Variants in DSE observed in about 807,000 individuals in gnomAD.
The protein encoded by DSE is dermatan sulfate epimerase, also known as dermatan-sulfate epimerase.
DSE carries 36 observed loss-of-function variants against 84.4 expected under a neutral mutation model. That is an observed-to-expected ratio of 0.43 (90% CI 0.33 to 0.56). DSE has a LOEUF of 0.56. DSE is among the 20% of genes least tolerant of loss of function. The probability of loss-of-function intolerance (pLI) is 0.06; values close to 1 mark genes in which losing one functional copy is unlikely to be tolerated. For missense variants in DSE, 862 were observed against 1,169.6 expected (o/e 0.74, Z 3.84); for synonymous variants, 410 against 430.1 (o/e 0.95, Z 0.58).
intron 1 of DSE, chr6:116,255,782 A>G (rs145643251): frequency 1.0e-4 from 16 of 152,384 alleles, no homozygotes; most frequent in African/African-American, 3.1e-4. Flanking sequence ...AGAAGCAGGG[A>G]ATACTGAATG....
intron 1 of DSE, among the ~76,000 whole-genome samples, chr6:116,394,799 AAG>A (rs1301486805): frequency 6.6e-6 from 1 of 152,196 alleles, no homozygotes; most frequent in African/African-American, 2.4e-5. Flanking sequence ...AAAGAGGAAA[AAG>A]AGAATTTCAG....
chr6:116,355,059 T>C lies in DSE; in HGVS notation c.-53-44139T>C, dbSNP rs1025814893. On this transcript the variant is annotated intron_variant, in intron 2 of 3. Coordinates refer to the DSE transcript ENST00000430252. ...CACACATACCTATATGCGTAATTCA[T>C]TTAAGCATTTTTATTATTGGACACT... Among the ~76,000 whole-genome samples the C allele has an allele frequency of 2.6e-5, 4 of 152,192 alleles. 1 individual carries two copies. Among genetic ancestry groups the C allele is most frequent in the African/African-American group, 9.7e-5 (4 of 41,440 alleles).
chr6:116,399,827 T>C, intron 2 of DSE, 161 bp downstream of exon 2: 1 of 657,072 alleles, frequency 1.5e-6, no homozygotes. Context: ...GAATGGCCCT[T>C]AGTTTCAAAA....
chr6:116,301,474 G>A (rs1202111983), intron 2 of DSE, among the ~76,000 whole-genome samples: 1 of 152,046 alleles, frequency 6.6e-6, no homozygotes, highest in Non-Finnish European at 1.5e-5. Flanking sequence ...TGTCTTAAGA[G>A]GGAAGAACCA....
intron 2 of DSE, among the ~76,000 whole-genome samples, chr6:116,302,680 A>G (rs896043527): frequency 6.6e-6 from 1 of 152,036 alleles, no homozygotes; most frequent in African/African-American, 2.4e-5. Flanking sequence ...TTTTGTTGCA[A>G]TTGCTTTTGG....
At chr6:116,389,642 T>A (rs1224734541) in intron 1 of DSE, among the ~76,000 whole-genome samples, 2 of 152,202 alleles carry the variant, frequency 1.3e-5, no homozygotes, top group Non-Finnish European at 2.9e-5. Flanking sequence ...GTTTAACTGT[T>A]ATTTGAAACT....
chr6:116,261,482 T>C (rs1180716872), intron 2 of DSE, among the ~76,000 whole-genome samples: 2 of 152,238 alleles, frequency 1.3e-5, no homozygotes. Flanking sequence ...CCTGAGACTT[T>C]GCTGATGTTA....
chr6:116,272,087 A>G (rs1772904999), intron 2 of DSE, among the ~76,000 whole-genome samples: 1 of 152,206 alleles, frequency 6.6e-6, no homozygotes, highest in Non-Finnish European at 1.5e-5. Flanking sequence ...TTCCTTTGAC[A>G]TCTTTCACTT....
At chr6:116,314,924 G>T in intron 2 of DSE, among the ~76,000 whole-genome samples, 1 of 152,314 alleles carries the variant, frequency 6.6e-6, no homozygotes, top group East Asian at 1.9e-4. Flanking sequence ...TGCTTCTGAT[G>T]TGTGGCACCA....
intron 1 of DSE, chr6:116,256,214 T>G (rs1381796418): frequency 1.3e-5 from 2 of 152,226 alleles, no homozygotes; most frequent in African/African-American, 2.4e-5. Flanking sequence ...CCTTATGACT[T>G]TTACTATCCA....
chr6:116,410,940 C>T (rs952337439), intron 2 of DSE, among the ~76,000 whole-genome samples: 4 of 151,754 alleles, frequency 2.6e-5, no homozygotes, highest in African/African-American at 9.7e-5. Context: ...CCAAAGGAGA[C>T]AAAGAATTTT....
At chr6:116,433,710 C>A (rs1783982443) in intron 5 of DSE, among the ~76,000 whole-genome samples, 160 bp downstream of exon 5, 1 of 152,178 alleles carries the variant, frequency 6.6e-6, no homozygotes, top group African/African-American at 2.4e-5. Flanking sequence ...ACTCATATCA[C>A]TGTTTTTGAA....
chr6:116,435,247 AGAAATTTGGAT>A (rs1478666703), intron 5 of DSE, among the ~76,000 whole-genome samples: 2 of 152,226 alleles, frequency 1.3e-5, no homozygotes, highest in Non-Finnish European at 2.9e-5. Flanking sequence ...CCCCTCAACC[AGAAATTTGGAT>A]GAAGTGCTTA....
intron 1 of DSE, among the ~76,000 whole-genome samples, chr6:116,371,344 G>A (rs1045338775): frequency 8.5e-5 from 13 of 152,226 alleles, no homozygotes; most frequent in African/African-American, 3.1e-4. Context: ...CTTCCCCGGC[G>A]GCGGAGCAGC....
chr6:116,339,164 T>G (rs764743318), intron 2 of DSE, among the ~76,000 whole-genome samples: 2 of 152,202 alleles, frequency 1.3e-5, no homozygotes, highest in African/African-American at 2.4e-5. Flanking sequence ...TCCATGACCA[T>G]GTGTCCTGAT....
At chr6:116,328,877 C>T (rs1448943178) in intron 2 of DSE, among the ~76,000 whole-genome samples, 1 of 148,108 alleles carries the variant, frequency 6.8e-6, no homozygotes, top group East Asian at 1.9e-4. Context: ...AGTAGTTCAC[C>T]CCTAGTACAG....
At chr6:116,336,447 T>C (rs1388590259) in intron 2 of DSE, among the ~76,000 whole-genome samples, 1 of 152,176 alleles carries the variant, frequency 6.6e-6, no homozygotes, top group Non-Finnish European at 1.5e-5. Context: ...CTAATGTATT[T>C]GCTTGCATGT....
chr6:116,359,549 ATAT>A (rs1778770152), intron 2 of DSE, among the ~76,000 whole-genome samples: 1 of 152,166 alleles, frequency 6.6e-6, no homozygotes, highest in African/African-American at 2.4e-5. Flanking sequence ...TACTGTTTTA[ATAT>A]TAGTAAAATT....
chr6:116,282,662 TTC>T (rs1288655341), intron 2 of DSE, among the ~76,000 whole-genome samples: 1 of 152,228 alleles, frequency 6.6e-6, no homozygotes, highest in Non-Finnish European at 1.5e-5. Context: ...GTATCTCATG[TTC>T]TCTGTGTATT....
Sources: allele counts gnomAD v4.1 joint callset (sites outside exome capture counted in the v4.1 genomes callset), GRCh38; gene constraint gnomAD v4.1.1; transcripts MANE v1.5; gene names NCBI Gene and HGNC (gene_info 2026-07-23, HGNC 2026-07-21).